Variants in OR2A12 observed in about 807,000 individuals in gnomAD.
The protein encoded by OR2A12 is olfactory receptor 2A12.
For missense variants in OR2A12, 380 were observed against 372.5 expected (o/e 1.02, Z -0.17); for synonymous variants, 153 against 149.3 (o/e 1.02, Z -0.18).
chr7:144,095,329 G>A lies in OR2A12; in HGVS notation c.222G>A (p.Ser74=), dbSNP rs1052571969. The change falls in exon 2 of 2, where the codon TCG becomes TCA. Residue 74 remains serine (S), a synonymous_variant. Transcript: ENST00000641592. The stretch of plus-strand genomic sequence containing the variant: ...CCATTGTGGACATGTCCTATGCCTC[G>A]AGTACTGTCCCTAAGATGCTAGCAA... ...HLAIVDMSYA[S]STVPKMLANL... 15 of 1,613,688 alleles carry A rather than the reference G, an allele frequency of 9.3e-6. 1 individual carries two copies. The highest frequency in any genetic ancestry group is 6.6e-5 in the South Asian group (6 of 91,058).
chr7:144,088,304 G>A (rs1000909429), intron 1 of OR2A12, among the ~76,000 whole-genome samples: 5 of 152,138 alleles, frequency 3.3e-5, no homozygotes, highest in Non-Finnish European at 7.4e-5. Context: ...GAGCCACCGC[G>A]CCCAGCCGTT....
intron 1 of OR2A12, among the ~76,000 whole-genome samples, chr7:144,087,943 CATA>C (rs1318267659): frequency 2.0e-5 from 3 of 152,170 alleles, no homozygotes; most frequent in Non-Finnish European, 2.9e-5. Flanking sequence ...ACCGACACAG[CATA>C]ATATTATTTT....
chr7:144,092,555 T>A (rs2051233871), intron 1 of OR2A12, among the ~76,000 whole-genome samples: 1 of 152,124 alleles, frequency 6.6e-6, no homozygotes, highest in Non-Finnish European at 1.5e-5. Context: ...CTTTCACCTC[T>A]CTGGTTAGCT....
Position 144,095,645 on chromosome 7 carries a change from A to C in OR2A12, c.538A>C (p.Ile180Leu). 2 of 1,614,040 alleles carry C rather than the reference A, an allele frequency of 1.2e-6. No individual in the cohort carries two copies. The highest frequency in any genetic ancestry group is 1.3e-5 in the African/African-American group (1 of 74,982). Residue 180 changes from isoleucine to leucine, a missense_variant, in exon 2 of 2, where the codon ATC becomes CTC. Physicochemically the swap from Ile to Leu is conservative, Grantham distance 5 (BLOSUM62 2). Transcript: ENST00000641592. The part of the protein sequence containing the change: ...PQKINHFFCQ[I>L]MSVFKLACAD... ...AAAGATCAACCACTTTTTCTGTCAA[A>C]TCATGTCCGTATTCAAATTGGCCTG...
chr7:144,094,029 A>G (rs1010166332), intron 1 of OR2A12, among the ~76,000 whole-genome samples: 2 of 152,332 alleles, frequency 1.3e-5, no homozygotes, highest in Non-Finnish European at 2.9e-5. Flanking sequence ...TGCATCTTCA[A>G]TGAATTTAAG....
intron 1 of OR2A12, among the ~76,000 whole-genome samples, chr7:144,087,802 T>C (rs997354144): frequency 4.6e-5 from 7 of 152,192 alleles, no homozygotes; most frequent in Non-Finnish European, 1.0e-4. Context: ...CTCAAAAACA[T>C]ACCCCTAGCT....
chr7:144,098,100 T>C lies in OR2A12; in HGVS notation c.*2060T>C, dbSNP rs1199482618. The C allele has an allele frequency of 6.6e-6, 1 of 152,184 alleles. No individual in the cohort carries two copies. Among genetic ancestry groups the C allele is most frequent in the African/African-American group, 2.4e-5 (1 of 41,434 alleles). 9.4% of individuals were successfully genotyped at this position (152,184 alleles called of 1,614,324 possible). A position where few individuals can be genotyped will look rare whatever the true frequency, so the allele number is the denominator to read the frequency against. On this transcript the variant is annotated 3_prime_UTR_variant, in exon 2 of 2. Transcript: ENST00000641592. ...TTCTGATTTATCAGCTCTCAAGCAG[T>C]ACATCCCCAAAGACCAGCATATTTC... is the stretch of plus-strand genomic sequence containing the variant.
chr7:144,089,028 T>C (rs561551840), intron 1 of OR2A12, among the ~76,000 whole-genome samples: 234 of 152,316 alleles, frequency 1.5e-3, no homozygotes, highest in Non-Finnish European at 2.9e-3. Flanking sequence ...TATATTCTAA[T>C]GCAAGGGGAA....
At chr7:144,090,885 A>G (rs2051222971) in intron 1 of OR2A12, among the ~76,000 whole-genome samples, 1 of 152,256 alleles carries the variant, frequency 6.6e-6, no homozygotes, top group Non-Finnish European at 1.5e-5. Context: ...ATGGCTGCAT[A>G]GTATTCCATG....
intron 1 of OR2A12, among the ~76,000 whole-genome samples, chr7:144,089,615 T>G (rs2051214528): frequency 6.6e-6 from 1 of 152,156 alleles, no homozygotes; most frequent in African/African-American, 2.4e-5. Flanking sequence ...GTTTTCAAAT[T>G]TCTTTTATTT....
At chr7:144,091,190 A>G (rs1405101314) in intron 1 of OR2A12, among the ~76,000 whole-genome samples, 1 of 152,242 alleles carries the variant, frequency 6.6e-6, no homozygotes, top group Non-Finnish European at 1.5e-5. Context: ...CAGGAGTTCA[A>G]GACCATCCTG....
chr7:144,091,630 C>T (rs1313864207), intron 1 of OR2A12, among the ~76,000 whole-genome samples: 1 of 151,886 alleles, frequency 6.6e-6, no homozygotes, highest in African/African-American at 2.4e-5. Context: ...AGGATTTTTT[C>T]ATATGTTTGT....
intron 1 of OR2A12, among the ~76,000 whole-genome samples, chr7:144,086,998 C>A (rs925766665): frequency 6.6e-6 from 1 of 152,158 alleles, no homozygotes; most frequent in Non-Finnish European, 1.5e-5. Flanking sequence ...CTTTGTCCCA[C>A]CCTTTTCCTA....
rs752672263 is a variant in OR2A12, at chr7:144,098,105, C to T, written c.*2065C>T. On this transcript the variant is annotated 3_prime_UTR_variant, in exon 2 of 2. Transcript: ENST00000641592. ...ATTTATCAGCTCTCAAGCAGTACAT[C>T]CCCAAAGACCAGCATATTTCAGAGT... 9 of 152,180 alleles carry T rather than the reference C, an allele frequency of 5.9e-5. No individual in the cohort carries two copies. Among genetic ancestry groups the T allele is most frequent in the Admixed American group, 1.3e-4 (2 of 15,280 alleles). The allele number at this position is 152,180 out of a possible 1,614,324, so 9.4% of individuals were successfully genotyped here. A position where few individuals can be genotyped will look rare whatever the true frequency, so the allele number is the denominator to read the frequency against.
chr7:144,095,560 C>G lies in OR2A12; in HGVS notation c.453C>G (p.Ser151Arg), dbSNP rs1486309646. 3.1e-6 allele frequency: 5 copies of G among 1,613,982 alleles called. No homozygotes were observed. Among genetic ancestry groups the G allele is most frequent in the Non-Finnish European group, 2.5e-6 (3 of 1,180,002 alleles). ...TGGCCTCAACTTGCTGGATATTTAG[C>G]TTTCTCTTGGCTCTGGTCCATATTA... ...TVLASTCWIFSFLLALVHITL... is the reference protein window; with the variant it reads ...TVLASTCWIFRFLLALVHITL... Residue 151 changes from serine (S) to arginine (R), a missense_variant, in exon 2 of 2, where the codon AGC (serine) becomes AGG (arginine). Coordinates refer to ENST00000641592, the MANE Select transcript of OR2A12 (RefSeq NM_001004135.2).
At chr7:144,089,975 G>T (rs2051216610) in intron 1 of OR2A12, among the ~76,000 whole-genome samples, 1 of 152,058 alleles carries the variant, frequency 6.6e-6, no homozygotes, top group Non-Finnish European at 1.5e-5. Flanking sequence ...GGGCTATATT[G>T]AGGATCTATA....
At chr7:144,087,059 CA>C (rs1298148885) in intron 1 of OR2A12, among the ~76,000 whole-genome samples, 1 of 152,114 alleles carries the variant, frequency 6.6e-6, no homozygotes, top group Non-Finnish European at 1.5e-5. Flanking sequence ...TTCATGGTGT[CA>C]AACTGGAAGA....
At position 144,095,081 on chromosome 7, in the gene OR2A12, A is replaced by T; in HGVS notation, c.-27A>T. 1 of 1,507,424 alleles carries T rather than the reference A, an allele frequency of 6.6e-7. No individual in the cohort carries two copies. Among genetic ancestry groups the T allele is most frequent in the Non-Finnish European group, 9.0e-7 (1 of 1,108,132 alleles). 93.4% of individuals were successfully genotyped at this position (1,507,424 alleles called of 1,614,324 possible). The stretch of plus-strand genomic sequence containing the variant: ...GCTGTGAAATTTCTGTCTTAAGTAC[A>T]TCACAAGATTTTTCTGTCACGAGAA... On this transcript the variant is annotated 5_prime_UTR_variant, in exon 2 of 2. Coordinates refer to ENST00000641592, the MANE Select transcript of OR2A12 (RefSeq NM_001004135.2).
chr7:144,091,893 C>T (rs1019663557), intron 1 of OR2A12, among the ~76,000 whole-genome samples: 13 of 151,994 alleles, frequency 8.6e-5, no homozygotes, highest in Non-Finnish European at 1.5e-5. Context: ...ATTGCAATTG[C>T]TTTTGGCATC....
Sources: allele counts gnomAD v4.1 joint callset (sites outside exome capture counted in the v4.1 genomes callset), GRCh38; gene constraint gnomAD v4.1.1; transcripts MANE v1.5; gene names NCBI Gene and HGNC (gene_info 2026-07-23, HGNC 2026-07-21).